The following PREPL variants were observed in gnomAD, a reference collection of about 807,000 sequenced individuals.
PREPL encodes prolyl endopeptidase-like.
In PREPL, 77 loss-of-function variants were observed where a neutral mutation model predicts 70.6. That is an observed-to-expected ratio of 1.09 (90% CI 0.91 to 1.32). PREPL has a LOEUF of 1.32. Among genes scored for constraint, PREPL ranks in the 40% most tolerant of loss-of-function variants. PREPL has a pLI of 0.00. For synonymous variants in PREPL, 315 were observed against 264.8 expected, an observed-to-expected ratio of 1.19 and a Z score of -1.84; for missense variants, 1,002 against 778.2, an observed-to-expected ratio of 1.29 and a Z score of -3.42.
chr2:44,343,885 T>A lies in PREPL; in HGVS notation c.209A>T (p.Asp70Val). The change falls in exon 4 of 14, where the codon GAT (aspartate) becomes GTT (valine). Residue 70 changes from aspartate (D) to valine (V), a missense_variant. Transcript: ENST00000409411. The part of the protein sequence containing the change: ...EELKLDQPFI[D>V]CIRVAPDEKY... ...TTCATCTGGAGCAACTCTGATACAA[T>A]CAATGAAGGGCTGGTCTAACTTAAG... is the stretch of plus-strand genomic sequence containing the variant. The A allele has an allele frequency of 6.2e-7, 1 of 1,614,096 alleles. No homozygotes were observed. Among genetic ancestry groups the A allele is most frequent in the Non-Finnish European group, 8.5e-7 (1 of 1,179,956 alleles).
intron 9 of PREPL, among the ~76,000 whole-genome samples, chr2:44,327,713 A>T (rs1161104021): frequency 6.7e-6 from 1 of 149,882 alleles, no homozygotes; most frequent in Non-Finnish European, 1.5e-5. Context: ...AATAGAAAAA[A>T]TTAGCCAGGT....
chr2:44,361,725 G>C (rs564127372), upstream of PREPL: 3 of 404,684 alleles, frequency 7.4e-6, no homozygotes, highest in East Asian at 1.2e-4. Context: ...CTAAAACAAT[G>C]AGGGACAGCG....
chr2:44,327,776 T>C, intron 9 of PREPL, among the ~76,000 whole-genome samples: 1 of 151,788 alleles, frequency 6.6e-6, no homozygotes, highest in East Asian at 1.9e-4. Flanking sequence ...GGCAAGAGAA[T>C]TACTTGAACC....
intron 1 of PREPL, among the ~76,000 whole-genome samples, chr2:44,351,718 TG>T (rs376554870): frequency 3.1e-4 from 47 of 152,344 alleles, no homozygotes; most frequent in Non-Finnish European, 6.3e-4. Flanking sequence ...ACACTTGGAC[TG>T]GACTACTTGG....
chr2:44,340,474 T>C (rs1365013692), intron 5 of PREPL, among the ~76,000 whole-genome samples: 1 of 152,188 alleles, frequency 6.6e-6, no homozygotes, highest in Non-Finnish European at 1.5e-5. Context: ...AGAATCCCAA[T>C]GCCCCCAAAT....
At chr2:44,325,979 A>C (rs1171084494) in intron 10 of PREPL, among the ~76,000 whole-genome samples, 1 of 152,208 alleles carries the variant, frequency 6.6e-6, no homozygotes, top group Non-Finnish European at 1.5e-5. Context: ...AACGACCATT[A>C]AGAATGGACT....
chr2:44,335,125 G>C (rs1176549956), intron 7 of PREPL, among the ~76,000 whole-genome samples: 1 of 152,114 alleles, frequency 6.6e-6, no homozygotes, highest in Non-Finnish European at 1.5e-5. Context: ...CATTATAAAA[G>C]TCGTAATAGG....
At chr2:44,324,416 TA>T (rs1458975784) in intron 10 of PREPL, among the ~76,000 whole-genome samples, 4 of 152,212 alleles carry the variant, frequency 2.6e-5, no homozygotes, top group Non-Finnish European at 4.4e-5. Context: ...TTACCATAAT[TA>T]AAAATTTTTA....
intron 10 of PREPL, among the ~76,000 whole-genome samples, chr2:44,326,292 TCTC>T (rs1673478607): frequency 6.6e-6 from 1 of 152,120 alleles, no homozygotes; most frequent in Admixed American, 6.6e-5. Flanking sequence ...CTTTAGAAGT[TCTC>T]CTCAAGCTAT....
At position 44,320,201 on chromosome 2, in the gene PREPL, C is replaced by A. The variant is rs1322631154; in HGVS notation, c.*1155G>T. The A allele has an allele frequency of 1.2e-6, 2 of 1,611,930 alleles. No individual in the cohort carries two copies. Among genetic ancestry groups the A allele is most frequent in the African/African-American group, 2.7e-5 (2 of 74,802 alleles). On this transcript the variant is annotated 3_prime_UTR_variant, in exon 14 of 14. Coordinates refer to ENST00000409411, the MANE Select transcript of PREPL (RefSeq NM_001171613.2). ...TAAATACTTTTTTAAAAAAATAGGT[C>A]CAAAAGACTCAGCCCAGATCGGCTT...
In PREPL at chr2:44,318,814, C is replaced by T. The variant is rs779664958; in HGVS notation, c.*2542G>A. On this transcript the variant is annotated 3_prime_UTR_variant, in exon 14 of 14. Coordinates refer to ENST00000409411, the MANE Select transcript of PREPL (RefSeq NM_001171613.2). ...ACAAAATATAGTTCAATATGAAAAG[C>T]ATTATATGAGACAAAGGCAATTTTC... 1 of 152,086 alleles carries T rather than the reference C, an allele frequency of 6.6e-6. No individual in the cohort carries two copies. The highest frequency in any genetic ancestry group is 2.1e-4 in the South Asian group (1 of 4,826). 9.4% of individuals were successfully genotyped at this position (152,086 alleles called of 1,614,324 possible). A position where few individuals can be genotyped will look rare whatever the true frequency, so the allele number is the denominator to read the frequency against.
At position 44,339,287 on chromosome 2, in the gene PREPL, C is replaced by T. The variant is rs150341120; in HGVS notation, c.562G>A (p.Val188Met). ...INIMNKTTSE[V>M]WLIDGLSPWD... ...GGGCTCAGGCCATCTATCAACCACA[C>T]TTCAGAAGTAGTCTTGTTCATAATA... The change falls in exon 6 of 14, where the codon GTG becomes ATG. Residue 188 changes from valine to methionine, a missense_variant. By Grantham distance (21) the Val-to-Met change is conservative. Coordinates refer to ENST00000409411, the MANE Select transcript of PREPL (RefSeq NM_001171613.2). 3.7e-4 allele frequency: 593 copies of T among 1,614,078 alleles called. 1 individual carries two copies. The highest frequency in any genetic ancestry group is 4.8e-4 in the Non-Finnish European group (564 of 1,180,012).
chr2:44,359,593 T>G, intron 1 of PREPL: 3 of 1,611,766 alleles, frequency 1.9e-6, no homozygotes, highest in Non-Finnish European at 2.5e-6. Flanking sequence ...TTTTCAATTT[T>G]ATTCTATTGT....
chr2:44,345,886 A>C (rs1451526511), intron 2 of PREPL, among the ~76,000 whole-genome samples: 1 of 152,148 alleles, frequency 6.6e-6, no homozygotes, highest in Non-Finnish European at 1.5e-5. Flanking sequence ...TCACACCTAT[A>C]ATCTCAGCAC....
Position 44,339,193 on chromosome 2 carries a change from T to A in PREPL, c.656A>T (p.Asp219Val). The change falls in exon 6 of 14, where the codon GAT (aspartate) becomes GTT (valine). Residue 219 changes from aspartate to valine, a missense_variant. Coordinates refer to ENST00000409411, the MANE Select transcript of PREPL (RefSeq NM_001171613.2). ...AACATTAGTGAGAATGTATAATTCA[T>A]CATCTCTGTGTTCAACATAGTAAAG... ...GVLYYVEHRD[D>V]ELYILTNVGE... 1 of 1,614,066 alleles carries A rather than the reference T, an allele frequency of 6.2e-7. No homozygotes were observed. Among genetic ancestry groups the A allele is most frequent in the Non-Finnish European group, 8.5e-7 (1 of 1,179,948 alleles).
intron 12 of PREPL, among the ~76,000 whole-genome samples, 198 bp downstream of exon 12, chr2:44,322,533 T>A (rs540814057): frequency 6.6e-6 from 1 of 152,320 alleles, no homozygotes; most frequent in Non-Finnish European, 1.5e-5. Flanking sequence ...TACTGTCCTT[T>A]GAAAAAGAGG....
intron 7 of PREPL, among the ~76,000 whole-genome samples, chr2:44,335,577 T>C (rs1399221910): frequency 1.3e-5 from 2 of 152,086 alleles, no homozygotes; most frequent in African/African-American, 4.8e-5. Flanking sequence ...AAGACTTAAA[T>C]GTAAAACCTA....
chr2:44,356,540 G>A (rs373652490), intron 1 of PREPL, among the ~76,000 whole-genome samples: 4 of 104,006 alleles, frequency 3.8e-5, no homozygotes, highest in African/African-American at 1.2e-4. Context: ...GCAAGACTCC[G>A]TCTCAAACAA....
intron 1 of PREPL, among the ~76,000 whole-genome samples, chr2:44,352,819 A>T (rs1013017338): frequency 6.6e-6 from 1 of 152,260 alleles, no homozygotes; most frequent in South Asian, 2.1e-4. Context: ...AGATATCTAC[A>T]GCACATATAA....
Sources: gnomAD v4.1 joint callset for allele counts (sites outside exome capture counted in the v4.1 genomes callset) on GRCh38, gnomAD v4.1.1 for gene constraint, MANE v1.5 for transcripts, NCBI Gene and HGNC (gene_info 2026-07-23, HGNC 2026-07-21) for gene names.